Variants in PTPRZ1 observed in about 807,000 individuals in gnomAD.
PTPRZ1 encodes protein tyrosine phosphatase receptor type Z1.
A neutral mutation model predicts 214.1 loss-of-function variants in PTPRZ1; 82 were observed. The ratio of observed to expected loss-of-function variants is 0.38; its 90% CI spans 0.32 to 0.46. The LOEUF is 0.46. PTPRZ1 is among the 20% of genes least tolerant of loss of function. The probability of loss-of-function intolerance (pLI) is 1.00; values close to 1 mark genes in which losing one functional copy is unlikely to be tolerated. For synonymous variants in PTPRZ1, 945 were observed against 987.9 expected, an observed-to-expected ratio of 0.96 and a Z score of 0.81; for missense variants, 2,603 against 2,748.7, an observed-to-expected ratio of 0.95 and a Z score of 1.19.
intron 8 of PTPRZ1, among the ~76,000 whole-genome samples, chr7:121,987,529 T>A (rs193275905): frequency 3.3e-4 from 50 of 152,294 alleles, no homozygotes; most frequent in Middle Eastern, 3.4e-3. Flanking sequence ...CCACCAACAG[T>A]GTATAAGCAT....
chr7:121,900,610 A>G (rs1320718432), intron 1 of PTPRZ1, among the ~76,000 whole-genome samples: 1 of 152,170 alleles, frequency 6.6e-6, no homozygotes, highest in Non-Finnish European at 1.5e-5. Flanking sequence ...CAGCTTTGAT[A>G]TAGTGGTTCA....
chr7:122,007,020 C>A (rs930358598), intron 11 of PTPRZ1, among the ~76,000 whole-genome samples: 2 of 151,990 alleles, frequency 1.3e-5, no homozygotes, highest in African/African-American at 4.8e-5. Flanking sequence ...GGTAAGGAAC[C>A]TCCCAAGGAA....
intron 1 of PTPRZ1, among the ~76,000 whole-genome samples, chr7:121,919,682 T>C (rs1315555213): frequency 1.3e-5 from 2 of 152,082 alleles, no homozygotes; most frequent in Non-Finnish European, 2.9e-5. Flanking sequence ...TTTTCACAAA[T>C]AGTGTTCCCA....
At position 121,984,062 on chromosome 7, in the gene PTPRZ1, G is replaced by A. The variant is rs768240159; in HGVS notation, c.873G>A (p.Lys291=). The A allele has an allele frequency of 6.2e-7, 1 of 1,613,508 alleles. No homozygotes were observed. Among genetic ancestry groups the A allele is most frequent in the Admixed American group, 1.7e-5 (1 of 60,010 alleles). ...ACAATTTTCGAGAGCAACAGTACAA[G>A]TTCTCTAGACAGGTGTTTTCCTCAT... ...LQNNFREQQY[K]FSRQVFSSYT... The change falls in exon 8 of 30, where the codon AAG becomes AAA. Residue 291 remains lysine (K), a synonymous_variant. Transcript: ENST00000393386.
Position 121,972,668 on chromosome 7 carries a change from A to T in PTPRZ1, c.432A>T (p.Leu144Phe), listed in dbSNP as rs953956997. 1.2e-6 allele frequency: 2 copies of T among 1,605,188 alleles called. No homozygotes were observed. The highest frequency in any genetic ancestry group is 2.3e-5 in the South Asian group (2 of 88,400). The change falls in exon 4 of 30, where the codon TTA (leucine) becomes TTT (phenylalanine). Residue 144 changes from leucine to phenylalanine, a missense_variant. By Grantham distance (22) the Leu-to-Phe change is conservative. Transcript: ENST00000393386. ...NMSSDGSEHS[L>F]EGQKFPLEMQ... The stretch of plus-strand genomic sequence containing the variant: ...CATCTGATGGATCAGAGCATAGTTT[A>T]GAAGGACAAAAATTTCCACTTGAGG...
chr7:121,952,588 AAAAAGAAAAGAAAAG>A (rs148462260), intron 2 of PTPRZ1, among the ~76,000 whole-genome samples: 1 of 152,024 alleles, frequency 6.6e-6, no homozygotes, highest in African/African-American at 2.4e-5. Context: ...CTGTCTCAAA[AAAAAGAAAAGAAAAG>A]AAAAGAAAAG....
intron 1 of PTPRZ1, among the ~76,000 whole-genome samples, chr7:121,910,014 A>G (rs1795223080): frequency 6.6e-6 from 1 of 152,220 alleles, no homozygotes; most frequent in African/African-American, 2.4e-5. Flanking sequence ...AACTCTTGAC[A>G]GTTTGCAATG....
intron 18 of PTPRZ1, among the ~76,000 whole-genome samples, chr7:122,037,595 A>T (rs1799590897): frequency 6.6e-6 from 1 of 152,186 alleles, no homozygotes; most frequent in Non-Finnish European, 1.5e-5. Flanking sequence ...AGCTGGCTTC[A>T]GGTTAATACT....
chr7:121,957,076 AG>A (rs763711822), intron 2 of PTPRZ1, among the ~76,000 whole-genome samples: 4 of 152,242 alleles, frequency 2.6e-5, no homozygotes, highest in Non-Finnish European at 5.9e-5. Flanking sequence ...TGGCATTTCC[AG>A]CACCTTCAGC....
At chr7:121,952,798 A>G (rs1196716309) in intron 2 of PTPRZ1, among the ~76,000 whole-genome samples, 1 of 152,244 alleles carries the variant, frequency 6.6e-6, no homozygotes, top group Non-Finnish European at 1.5e-5. Flanking sequence ...GAACTATTGC[A>G]ATGAGTCTAT....
chr7:122,026,437 T>C (rs1799208683), intron 13 of PTPRZ1, among the ~76,000 whole-genome samples: 1 of 152,222 alleles, frequency 6.6e-6, no homozygotes, highest in South Asian at 2.1e-4. Context: ...TGTTTCCATA[T>C]CAATATGTCA....
chr7:121,978,475 T>C (rs1218907185), intron 6 of PTPRZ1, among the ~76,000 whole-genome samples: 1 of 152,160 alleles, frequency 6.6e-6, no homozygotes, highest in Non-Finnish European at 1.5e-5. Context: ...ATGTATTACA[T>C]GGCAGCATGA....
intron 23 of PTPRZ1, among the ~76,000 whole-genome samples, chr7:122,046,762 C>T (rs1206351): frequency 0.64 from 97,456 of 151,994 alleles, 32,991 homozygotes; most frequent in African/African-American, 0.88. Context: ...TTTTAGGTTA[C>T]TGGGAGATGT....
intron 2 of PTPRZ1, among the ~76,000 whole-genome samples, chr7:121,955,027 G>T (rs1398354692): frequency 6.6e-6 from 1 of 152,198 alleles, no homozygotes; most frequent in Non-Finnish European, 1.5e-5. Flanking sequence ...GGGCAGCATG[G>T]ACTTCAACCA....
In PTPRZ1 at chr7:122,012,187, A is replaced by G. The variant is rs1798689910; in HGVS notation, c.3141A>G (p.Ile1047Met). The G allele has an allele frequency of 1.4e-5, 22 of 1,613,860 alleles. No individual in the cohort carries two copies. Among genetic ancestry groups the G allele is most frequent in the Non-Finnish European group, 1.7e-5 (20 of 1,179,844 alleles). ...DNKALSKSEI[I>M]YGNETELQIP... ...AGGCGCTTTCTAAAAGTGAAATAAT[A>G]TATGGAAATGAGACTGAACTGCAAA... is the stretch of plus-strand genomic sequence containing the variant. The change falls in exon 12 of 30, where the codon ATA becomes ATG. Residue 1047 changes from isoleucine to methionine, a missense_variant. Physicochemically the swap from Ile to Met is conservative, Grantham distance 10 (BLOSUM62 1). This residue lies in a region of PTPRZ1 where 1,913 missense variants were observed against 1,914.3 expected (regional missense o/e 1.00). Coordinates refer to ENST00000393386, the MANE Select transcript of PTPRZ1 (RefSeq NM_002851.3).
At chr7:121,925,893 C>G (rs1431113309) in intron 1 of PTPRZ1, among the ~76,000 whole-genome samples, 1 of 152,168 alleles carries the variant, frequency 6.6e-6, no homozygotes, top group East Asian at 1.9e-4. Flanking sequence ...GATAAAGGTG[C>G]TGTCTCTCTT....
At chr7:121,928,802 G>A (rs1023730672) in intron 2 of PTPRZ1, among the ~76,000 whole-genome samples, 2 of 152,164 alleles carry the variant, frequency 1.3e-5, no homozygotes, top group African/African-American at 4.8e-5. Context: ...TCTGAAGTTG[G>A]CTTGAAATAG....
At chr7:121,906,859 T>C (rs1394759505) in intron 1 of PTPRZ1, among the ~76,000 whole-genome samples, 1 of 152,212 alleles carries the variant, frequency 6.6e-6, no homozygotes, top group Non-Finnish European at 1.5e-5. Flanking sequence ...GATCCATAAT[T>C]TTGTGAAATA....
Position 122,034,372 on chromosome 7 carries a change from G to A in PTPRZ1, c.5278G>A (p.Val1760Ile), listed in dbSNP as rs368930572. 19 of 1,611,734 alleles carry A rather than the reference G, an allele frequency of 1.2e-5. No individual in the cohort carries two copies. Among genetic ancestry groups the A allele is most frequent in the Admixed American group, 8.4e-5 (5 of 59,686 alleles). The change falls in exon 17 of 30, where the codon GTT becomes ATT. Residue 1760 changes from valine (V) to isoleucine (I), a missense_variant. Val to Ile is a conservative substitution (Grantham distance 29, BLOSUM62 3). Around this residue, in one of 6 missense-constraint regions of PTPRZ1, gnomAD observed 1,913 missense variants for 1,914.3 expected, o/e 1.00. Transcript: ENST00000393386. ...NKHKNRYINIVAYDHSRVKLA... is the reference protein window; with the variant it reads ...NKHKNRYINIIAYDHSRVKLA... ...GCACAAGAATCGATACATAAATATC[G>A]TTGCCTGTAAGTATATTCTTAAATC...
Sources: gnomAD v4.1 joint callset for allele counts (sites outside exome capture counted in the v4.1 genomes callset) on GRCh38, gnomAD v4.1.1 for gene constraint, gnomAD v4.1.1 regional missense constraint, MANE v1.5 for transcripts, NCBI Gene and HGNC (gene_info 2026-07-23, HGNC 2026-07-21) for gene names.